Variants in ZNF454 observed in about 807,000 individuals in gnomAD.
ZNF454 encodes zinc finger protein 454.
Under a neutral mutation model 48.2 loss-of-function variants are expected in ZNF454, and 30 were observed. That is an observed-to-expected ratio of 0.62 (90% CI 0.47 to 0.84). The LOEUF (loss-of-function observed/expected upper bound fraction) is 0.84, where lower values mean the gene tolerates loss of function less well. Ranked by LOEUF, ZNF454 falls within the 40% of genes least tolerant of loss-of-function variation. ZNF454 has a pLI of 0.00. For missense variants in ZNF454, 510 were observed against 623.1 expected (o/e 0.82, Z 1.93); for synonymous variants, 204 against 211.4 (o/e 0.97, Z 0.30).
At chr5:178,951,140 G>A (rs1243933896) in intron 4 of ZNF454, among the ~76,000 whole-genome samples, 5 of 152,180 alleles carry the variant, frequency 3.3e-5, no homozygotes, top group Non-Finnish European at 5.9e-5. Context: ...TTACAGGCAT[G>A]AGCCACTGCA....
At chr5:178,959,161 T>C (rs1005826131) in intron 4 of ZNF454, among the ~76,000 whole-genome samples, 5 of 152,200 alleles carry the variant, frequency 3.3e-5, no homozygotes, top group Admixed American at 6.5e-5. Context: ...ATATGGAAGA[T>C]TGATTGCTCA....
Position 178,945,671 on chromosome 5 carries a change from TTG to T in ZNF454, c.34-676_34-675del, listed in dbSNP as rs140415466. Among the ~76,000 whole-genome samples the T allele has an allele frequency of 3.4e-5, 5 of 146,224 alleles. No individual in the cohort carries two copies. In the South Asian group the frequency reaches 1.1e-3, roughly 33 times the overall value. ...TGTGGAAGGGTATGGGTATGTATGC[TTG>T]TGTGTGTGTGTCTCTGTGTGTGGGG... On this transcript the variant is annotated intron_variant, in intron 2 of 4. Transcript: ENST00000519564.
At chr5:178,985,192 C>T in the ZNF454 span, 5 of 445,110 alleles carry the variant, frequency 1.1e-5, no homozygotes, top group South Asian at 8.0e-5. Context: ...GAAAACCGGT[C>T]AGATAGCTCT....
At chr5:178,981,794 C>T in the ZNF454 span, 4 of 1,612,658 alleles carry the variant, frequency 2.5e-6, no homozygotes, top group Admixed American at 1.7e-5. This position sits in a 1 kb window ranked among gnomAD's most constrained non-coding sequence, Gnocchi z 5.1. Flanking sequence ...TAGAGCATGC[C>T]GAGGGACACC....
Position 178,960,713 on chromosome 5 carries a change from T to A in ZNF454, c.251-3942T>A, listed in dbSNP as rs925110784. On this transcript the variant is annotated intron_variant, in intron 4 of 4. Coordinates refer to ENST00000519564, the MANE Select transcript of ZNF454 (RefSeq NM_001178089.3). ...TGTGTGCATACAAATGAAAATTTGT[T>A]GTATGTTCCTGGAGAATTGACCCTT... Among the ~76,000 whole-genome samples the A allele has an allele frequency of 3.3e-5, 5 of 151,872 alleles. No homozygotes were observed. In the Admixed American group the frequency reaches 3.3e-4, roughly 10 times the overall value.
At chr5:178,985,764 T>G in the ZNF454 span, 3 of 459,898 alleles carry the variant, frequency 6.5e-6, no homozygotes, top group Non-Finnish European at 8.5e-6. Flanking sequence ...AAAAACGGCA[T>G]TTATCTTTTT....
the ZNF454 span, chr5:178,976,084 C>T: frequency 2.2e-6 from 1 of 453,950 alleles, no homozygotes; most frequent in South Asian, 1.6e-5. Context: ...CCGACCCCTG[C>T]CCTTGGGCCT....
rs1238712551 is a variant in ZNF454 at position 178,941,228 on chromosome 5, G to A, written c.-324G>A. 2.1e-5 allele frequency: 8 copies of A among 386,042 alleles called. No homozygotes were observed. Among genetic ancestry groups the A allele is most frequent in the Non-Finnish European group, 4.2e-5 (8 of 192,648 alleles). 23.9% of individuals were successfully genotyped at this position (386,042 alleles called of 1,614,324 possible). On this transcript the variant is annotated 5_prime_UTR_variant, in exon 1 of 5. Transcript: ENST00000519564. This position sits in a 1 kb window ranked among gnomAD's most constrained non-coding sequence, Gnocchi z 5.5. Reference sequence around the variant, plus strand: ...CCGGCTGCAGACTCCAGCTCATTGTGTTCTGACTGCGATGTGGCGCTTGCG... The same window carrying A: ...CCGGCTGCAGACTCCAGCTCATTGTATTCTGACTGCGATGTGGCGCTTGCG...
the ZNF454 span, chr5:178,987,579 AT>A: frequency 3.5e-5 from 14 of 398,468 alleles, no homozygotes; most frequent in Admixed American, 2.4e-4. Flanking sequence ...ATACCGTCTG[AT>A]GCCACCACAG....
intron 2 of ZNF454, among the ~76,000 whole-genome samples, chr5:178,945,070 TG>T (rs1381781128): frequency 8.0e-6 from 1 of 125,218 alleles, no homozygotes; most frequent in Middle Eastern, 4.1e-3. Flanking sequence ...AGGGTGTGTG[TG>T]GGGGTATTTG....
the ZNF454 span, chr5:178,975,543 C>G: frequency 8.2e-5 from 19 of 232,846 alleles, no homozygotes; most frequent in Non-Finnish European, 1.7e-4. Flanking sequence ...AAAACATTCT[C>G]AACACAGTAG....
intron 4 of ZNF454, among the ~76,000 whole-genome samples, chr5:178,957,400 T>A (rs1676496567): frequency 2.6e-5 from 4 of 151,990 alleles, no homozygotes; most frequent in Admixed American, 2.6e-4. Flanking sequence ...TTTTTATTTT[T>A]ATTTTTTATT....
the ZNF454 span, chr5:178,985,652 G>A: frequency 2.1e-4 from 80 of 388,458 alleles, no homozygotes; most frequent in South Asian, 9.9e-4. Flanking sequence ...GCAGGGAGCT[G>A]AGATAGTGCC....
chr5:178,945,150 A>C (rs1759268053), intron 2 of ZNF454, among the ~76,000 whole-genome samples: 1 of 62,096 alleles, frequency 1.6e-5, no homozygotes, highest in African/African-American at 7.3e-5. Flanking sequence ...GTGTGTGTTG[A>C]GGGTCTGGGG....
In ZNF454 at chr5:178,964,912, G is replaced by A. The variant is rs747902365; in HGVS notation, c.508G>A (p.Gly170Arg). Reference protein sequence around the residue: ...SSSLHSDQSQGFQPSKNAFEC... With the variant: ...SSSLHSDQSQRFQPSKNAFEC... ...ATCTCTTCACAGTGATCAAAGTCAG[G>A]GATTTCAACCTAGCAAAAATGCCTT... is the stretch of plus-strand genomic sequence containing the variant. Residue 170 changes from glycine (G) to arginine (R), a missense_variant, in exon 5 of 5, where the codon GGA becomes AGA. Physicochemically the swap from Gly to Arg is moderately radical, Grantham distance 125 (BLOSUM62 -2). Coordinates refer to ENST00000519564, the MANE Select transcript of ZNF454 (RefSeq NM_001178089.3). The A allele has an allele frequency of 5.6e-5, 91 of 1,614,052 alleles. No individual in the cohort carries two copies. Among genetic ancestry groups the A allele is most frequent in the Non-Finnish European group, 7.3e-5 (86 of 1,180,048 alleles).
At chr5:178,964,412 G>T (rs188518370) in intron 4 of ZNF454, among the ~76,000 whole-genome samples, 1 of 152,084 alleles carries the variant, frequency 6.6e-6, no homozygotes, top group Admixed American at 6.6e-5. Context: ...GAGCCACAAC[G>T]CCCAGCCACC....
At chr5:178,966,726 C>T (rs929723945), downstream of ZNF454, among the ~76,000 whole-genome samples, 1 of 152,024 alleles carries the variant, frequency 6.6e-6, no homozygotes, top group African/African-American at 2.4e-5. Context: ...AAGCCTTAGT[C>T]CTCTCCTCAC....
chr5:178,948,353 A>T (rs1022304968), intron 4 of ZNF454, among the ~76,000 whole-genome samples: 1 of 152,248 alleles, frequency 6.6e-6, no homozygotes, highest in African/African-American at 2.4e-5. Flanking sequence ...TCTGTATTAT[A>T]CAAATAGTCT....
chr5:178,969,957 T>C (rs1387884613), downstream of ZNF454, among the ~76,000 whole-genome samples: 1 of 152,192 alleles, frequency 6.6e-6, no homozygotes, highest in African/African-American at 2.4e-5. Context: ...GACTGATTTG[T>C]CATCTGGGTT....
Sources: allele counts gnomAD v4.1 joint callset (sites outside exome capture counted in the v4.1 genomes callset), GRCh38; gene constraint gnomAD v4.1.1; non-coding constraint Gnocchi (gnomAD v3.1); transcripts MANE v1.5; gene names NCBI Gene and HGNC (gene_info 2026-07-23, HGNC 2026-07-21).